WWTR1: variants seen among roughly 807,000 people sequenced by gnomAD.
WWTR1 encodes WW domain containing transcription regulator 1, also known as WW domain-containing transcription regulator protein 1.
Under a neutral mutation model 40.1 loss-of-function variants are expected in WWTR1, and 13 were observed. The ratio of observed to expected loss-of-function variants is 0.32; its 90% CI spans 0.21 to 0.52. WWTR1 has a LOEUF of 0.52. Ranked by LOEUF, WWTR1 falls within the 20% of genes least tolerant of loss-of-function variation. The probability of loss-of-function intolerance (pLI) is 0.97; values close to 1 mark genes in which losing one functional copy is unlikely to be tolerated. For missense variants in WWTR1, 436 were observed against 523.1 expected, an observed-to-expected ratio of 0.83 and a Z score of 1.63; for synonymous variants, 230 against 210.1, an observed-to-expected ratio of 1.09 and a Z score of -0.82.
At chr3:149,687,165 G>A (rs1210254889) in intron 1 of WWTR1, among the ~76,000 whole-genome samples, 1 of 152,072 alleles carries the variant, frequency 6.6e-6, no homozygotes, top group African/African-American at 2.4e-5. Context: ...TTTACCTACT[G>A]CAATTTTAGA....
At chr3:149,589,646 GT>G (rs11388564) in intron 2 of WWTR1, among the ~76,000 whole-genome samples, 180 of 145,138 alleles carry the variant, frequency 1.2e-3, no homozygotes, top group South Asian at 1.8e-3. Flanking sequence ...CTTTCCATGA[GT>G]TTTTTTTTTT....
intron 1 of WWTR1, among the ~76,000 whole-genome samples, chr3:149,694,175 C>T (rs558628167): frequency 1.3e-5 from 2 of 152,250 alleles, no homozygotes; most frequent in South Asian, 2.1e-4. Flanking sequence ...AGGTGGATCA[C>T]GAGGTCAGGG....
At chr3:149,723,765 G>T (rs371643497) in intron 4 of WWTR1, among the ~76,000 whole-genome samples, 2 of 152,252 alleles carry the variant, frequency 1.3e-5, no homozygotes, top group East Asian at 3.9e-4. Flanking sequence ...GAGATGGAGG[G>T]ACTCGCAACA....
At chr3:149,676,068 T>C (rs1425537386) in intron 1 of WWTR1, among the ~76,000 whole-genome samples, 2 of 152,190 alleles carry the variant, frequency 1.3e-5, no homozygotes, top group Non-Finnish European at 2.9e-5. Flanking sequence ...TAAGGAATTA[T>C]GGTGGAACAT....
intron 4 of WWTR1, chr3:149,541,206 C>A: frequency 2.7e-6 from 1 of 374,642 alleles, no homozygotes; most frequent in South Asian, 2.1e-5. Context: ...AGAAAAAAAG[C>A]ATGAGACCTG....
In WWTR1 at chr3:149,553,965, G is replaced by A. The variant is rs185839491; in HGVS notation, c.569-11428C>T. Among the ~76,000 whole-genome samples the A allele has an allele frequency of 6.2e-4, 94 of 152,098 alleles. 1 individual carries two copies. In the East Asian group the frequency reaches 9.7e-3, roughly 16 times the overall value. ...AAAAAGGGCTGCAGACGCGTCTCTC[G>A]CCCTCCTTGTGTCTCTCTCAGCTCC... On this transcript the variant is annotated intron_variant, in intron 3 of 6. Transcript: ENST00000360632.
At chr3:149,600,874 C>A (rs1380488714) in intron 2 of WWTR1, among the ~76,000 whole-genome samples, 1 of 152,198 alleles carries the variant, frequency 6.6e-6, no homozygotes. Flanking sequence ...GTAGAGAGAC[C>A]CACTTGGAAA....
intron 3 of WWTR1, among the ~76,000 whole-genome samples, chr3:149,549,353 T>C (rs940036981): frequency 6.6e-6 from 1 of 152,204 alleles, no homozygotes; most frequent in East Asian, 1.9e-4. Flanking sequence ...AATAACACTT[T>C]ATATCTGTAG....
chr3:149,637,603 C>T (rs905548673), intron 2 of WWTR1, among the ~76,000 whole-genome samples: 3 of 152,128 alleles, frequency 2.0e-5, no homozygotes, highest in Admixed American at 6.6e-5. Context: ...AAGGACAATA[C>T]AACACCAGTT....
intron 2 of WWTR1, among the ~76,000 whole-genome samples, chr3:149,606,435 T>G (rs948899765): frequency 6.6e-6 from 1 of 152,186 alleles, no homozygotes; most frequent in African/African-American, 2.4e-5. Context: ...CCTCAAATAG[T>G]AACTGACCAA....
chr3:149,564,825 T>C (rs1398312394), intron 3 of WWTR1, among the ~76,000 whole-genome samples: 1 of 152,210 alleles, frequency 6.6e-6, no homozygotes, highest in East Asian at 1.9e-4. Flanking sequence ...TGTGTAAAAT[T>C]AGAATGTTAC....
At chr3:149,713,437 G>A (rs534564484) in intron 5 of WWTR1, among the ~76,000 whole-genome samples, 1 of 152,028 alleles carries the variant, frequency 6.6e-6, no homozygotes, top group East Asian at 1.9e-4. Flanking sequence ...CTGGAGTGCA[G>A]TGGCACAATC....
At position 149,526,055 on chromosome 3, in the gene WWTR1, T is replaced by C; in HGVS notation, c.976A>G (p.Thr326Ala). ...LGLGCYSVPT[T>A]PEDFLSNVDE... ...ACATTGCTGAGGAAGTCCTCCGGAG[T>C]TGTGGGGACACTGTAGCACCCTAAC... Residue 326 changes from threonine to alanine, a missense_variant, in exon 6 of 7, where the codon ACT becomes GCT. By Grantham distance (58) the Thr-to-Ala change is moderately conservative. Coordinates refer to ENST00000360632, the MANE Select transcript of WWTR1 (RefSeq NM_015472.6). The C allele has an allele frequency of 6.2e-7, 1 of 1,609,118 alleles. No individual in the cohort carries two copies. Among genetic ancestry groups the C allele is most frequent in the South Asian group, 1.1e-5 (1 of 90,292 alleles).
At chr3:149,535,794 C>T (rs976703699) in intron 4 of WWTR1, among the ~76,000 whole-genome samples, 7 of 151,732 alleles carry the variant, frequency 4.6e-5, no homozygotes, top group Non-Finnish European at 8.8e-5. Flanking sequence ...GGGCAGATCA[C>T]TTGAGGCCAG....
At chr3:149,583,496 T>C (rs1053148120) in intron 2 of WWTR1, among the ~76,000 whole-genome samples, 13 of 152,162 alleles carry the variant, frequency 8.5e-5, no homozygotes, top group Admixed American at 8.5e-4. Flanking sequence ...GCCACCTTGC[T>C]CTGCTCCCCA....
intron 3 of WWTR1, among the ~76,000 whole-genome samples, chr3:149,564,047 C>T (rs1384059774): frequency 1.3e-5 from 2 of 152,218 alleles, no homozygotes; most frequent in African/African-American, 4.8e-5. Context: ...AGACACTGCA[C>T]TTGGCCTTAA....
intron 2 of WWTR1, among the ~76,000 whole-genome samples, chr3:149,594,724 AAC>A (rs1358481282): frequency 1.3e-5 from 2 of 149,068 alleles, no homozygotes; most frequent in South Asian, 2.1e-4. Context: ...CACACACACA[AAC>A]ACACACACAC....
intron 2 of WWTR1, among the ~76,000 whole-genome samples, chr3:149,625,036 T>C (rs1225947614): frequency 2.6e-5 from 4 of 151,674 alleles, no homozygotes; most frequent in South Asian, 4.2e-4. Context: ...CGTACCATTC[T>C]TAATCTTTAC....
chr3:149,548,774 C>T (rs937202971), intron 3 of WWTR1, among the ~76,000 whole-genome samples: 3 of 152,176 alleles, frequency 2.0e-5, no homozygotes, highest in Admixed American at 6.5e-5. Context: ...TCTCTCCTTT[C>T]GACAACAAAC....
Sources: allele counts gnomAD v4.1 joint callset (sites outside exome capture counted in the v4.1 genomes callset), GRCh38; gene constraint gnomAD v4.1.1; transcripts MANE v1.5; gene names NCBI Gene and HGNC (gene_info 2026-07-23, HGNC 2026-07-21).